Variants in DPP6 observed in about 807,000 individuals in gnomAD.
DPP6 encodes dipeptidyl peptidase like 6, also known as A-type potassium channel modulatory protein DPP6.
A neutral mutation model predicts 122.6 loss-of-function variants in DPP6; 69 were observed. That is an observed-to-expected ratio of 0.56 (90% confidence interval 0.46 to 0.69). The LOEUF (loss-of-function observed/expected upper bound fraction) is 0.69. Ranked by LOEUF, DPP6 falls within the 30% of genes least tolerant of loss-of-function variation. The pLI is 0.00. For synonymous variants in DPP6, 418 were observed against 433.1 expected, an observed-to-expected ratio of 0.97 and a Z score of 0.43; for missense variants, 928 against 1,116.9, an observed-to-expected ratio of 0.83 and a Z score of 2.41.
intron 1 of DPP6, among the ~76,000 whole-genome samples, chr7:154,286,684 C>T (rs572038805): frequency 1.3e-5 from 2 of 152,218 alleles, no homozygotes; most frequent in South Asian, 4.2e-4. Flanking sequence ...GGGGACTGTC[C>T]AGCCCTCTCC....
In DPP6 at chr7:154,853,776, A is replaced by G. The variant is rs769649756; in HGVS notation, c.1667-4A>G. The G allele has an allele frequency of 2.3e-5, 37 of 1,613,596 alleles. 1 individual carries two copies. Among genetic ancestry groups the G allele is most frequent in the Non-Finnish European group, 1.7e-6 (2 of 1,179,776 alleles). On this transcript the variant is annotated splice_region_variant and splice_polypyrimidine_tract_variant and intron_variant, in intron 16 of 25. Transcript: ENST00000377770. ...TCTTCCTGGCTATTCTCTACCCAAC[A>G]CAGGTCCTGGTGTTCCTATGGTGAC...
chr7:154,469,851 G>T (rs1822110567), intron 2 of DPP6, among the ~76,000 whole-genome samples: 1 of 152,186 alleles, frequency 6.6e-6, no homozygotes, highest in African/African-American at 2.4e-5. Flanking sequence ...TGTGTTTCCT[G>T]CATTCTCATT....
chr7:153,781,533 C>T, the DPP6 span, among the ~76,000 whole-genome samples: 8 of 152,276 alleles, frequency 5.3e-5, no homozygotes, highest in African/African-American at 1.2e-4. Flanking sequence ...CTTTCCAGAT[C>T]GGTCCATGTG....
chr7:154,880,533 T>C (rs561662447), intron 20 of DPP6, among the ~76,000 whole-genome samples: 47 of 152,212 alleles, frequency 3.1e-4, no homozygotes, highest in African/African-American at 1.1e-3. Context: ...GTGCTTGGAG[T>C]CACAGGCTCT....
At chr7:154,678,705 TTTTG>T (rs938769473) in intron 7 of DPP6, among the ~76,000 whole-genome samples, 81 of 152,356 alleles carry the variant, frequency 5.3e-4, no homozygotes, top group African/African-American at 1.8e-3. Flanking sequence ...GAATATTTTA[TTTTG>T]TTTGTTTTGC....
At chr7:154,506,958 C>T (rs763367992) in intron 3 of DPP6, among the ~76,000 whole-genome samples, 6 of 152,222 alleles carry the variant, frequency 3.9e-5, no homozygotes, top group South Asian at 2.1e-4. Context: ...GAAAGTTTTC[C>T]GAGAGCCTGG....
chr7:153,804,632 T>C, the DPP6 span, among the ~76,000 whole-genome samples: 5 of 152,128 alleles, frequency 3.3e-5, no homozygotes, highest in African/African-American at 9.7e-5. Flanking sequence ...CATTGGCTCA[T>C]GCCTGTAATC....
chr7:154,482,974 C>T (rs1366636457), intron 3 of DPP6, among the ~76,000 whole-genome samples: 1 of 152,074 alleles, frequency 6.6e-6, no homozygotes, highest in Non-Finnish European at 1.5e-5. Flanking sequence ...TGAGCAATAA[C>T]TCGGTGGAAA....
chr7:153,779,433 T>A, the DPP6 span, among the ~76,000 whole-genome samples: 1 of 149,994 alleles, frequency 6.7e-6, no homozygotes, highest in Non-Finnish European at 1.5e-5. Context: ...CCAGGTTATT[T>A]ATTAATTACT....
At chr7:154,187,036 A>G (rs1389744859) in intron 1 of DPP6, among the ~76,000 whole-genome samples, 1 of 152,208 alleles carries the variant, frequency 6.6e-6, no homozygotes, top group Non-Finnish European at 1.5e-5. Flanking sequence ...TGGCAGTGCC[A>G]TGACTCAGTC....
intron 4 of DPP6, among the ~76,000 whole-genome samples, chr7:154,542,214 G>C (rs999070709): frequency 4.6e-5 from 7 of 151,964 alleles, no homozygotes; most frequent in Non-Finnish European, 1.0e-4. Flanking sequence ...TGCAAAGTAG[G>C]ACCTAGGACA....
intron 16 of DPP6, among the ~76,000 whole-genome samples, chr7:154,829,805 C>A (rs1800489622): frequency 6.6e-6 from 1 of 152,102 alleles, no homozygotes. Flanking sequence ...GCTCAAAGCC[C>A]TCCCACCCTT....
chr7:154,052,870 C>T lies in DPP6; in HGVS notation c.50C>T (p.Ser17Phe). 6.5e-7 allele frequency: 1 copy of T among 1,537,660 alleles called. No individual in the cohort carries two copies. Among genetic ancestry groups the T allele is most frequent in the Non-Finnish European group, 8.8e-7 (1 of 1,142,466 alleles). The change falls in exon 1 of 26, where the codon TCC (serine) becomes TTC (phenylalanine). Residue 17 changes from serine (S) to phenylalanine (F), a missense_variant. Coordinates refer to ENST00000377770, the MANE Select transcript of DPP6 (RefSeq NM_130797.4). This position sits in a 1 kb window ranked among gnomAD's most constrained non-coding sequence, Gnocchi z 4.8. ...RFTGKINTSR[S>F]FPAPPEASHL... ...ACTGGCAAGATCAACACCTCGAGGT[C>T]CTTCCCCGCGCCCCCGGAGGCGAGT...
chr7:154,513,584 T>C (rs552774715), intron 3 of DPP6, among the ~76,000 whole-genome samples: 3 of 152,298 alleles, frequency 2.0e-5, no homozygotes, highest in East Asian at 3.9e-4. Flanking sequence ...AAGCAAGGAC[T>C]CAGCTCTGCC....
At chr7:153,827,974 G>A in the DPP6 span, among the ~76,000 whole-genome samples, 4 of 152,198 alleles carry the variant, frequency 2.6e-5, no homozygotes, top group South Asian at 2.1e-4. Context: ...CGAGGCCCCT[G>A]CCCTAGAGTG....
chr7:154,553,506 C>T (rs1829784325), intron 4 of DPP6, among the ~76,000 whole-genome samples: 1 of 152,160 alleles, frequency 6.6e-6, no homozygotes, highest in Admixed American at 6.5e-5. Flanking sequence ...AAACACTCTA[C>T]GTTCATTATC....
intron 1 of DPP6, among the ~76,000 whole-genome samples, chr7:154,172,257 C>T (rs1314767675): frequency 6.6e-6 from 1 of 151,900 alleles, no homozygotes; most frequent in African/African-American, 2.4e-5. Context: ...TTTATGTTGA[C>T]GAGAAGGAAA....
intron 7 of DPP6, among the ~76,000 whole-genome samples, chr7:154,686,907 C>T (rs1839645282): frequency 6.6e-6 from 1 of 152,234 alleles, no homozygotes; most frequent in Non-Finnish European, 1.5e-5. Context: ...CCAAGCATGC[C>T]CAGAGCTCGG....
chr7:153,843,280 G>GCACACA, the DPP6 span, among the ~76,000 whole-genome samples: 12 of 113,438 alleles, frequency 1.1e-4, no homozygotes, highest in African/African-American at 3.3e-4. Flanking sequence ...ATGCGCGCGC[G>GCACACA]CACACACACA....
Sources: gnomAD v4.1 joint callset for allele counts (sites outside exome capture counted in the v4.1 genomes callset) on GRCh38, gnomAD v4.1.1 for gene constraint, Gnocchi (gnomAD v3.1) non-coding constraint, MANE v1.5 for transcripts, NCBI Gene and HGNC (gene_info 2026-07-23, HGNC 2026-07-21) for gene names.